GALNT13: variants seen among roughly 807,000 people sequenced by gnomAD.
GALNT13 encodes UDP-GalNAc:polypeptide N-acetylgalactosaminyltransferase 13.
In GALNT13, 28 loss-of-function variants were observed where a neutral mutation model predicts 64.2. That is an observed-to-expected ratio of 0.44 (90% confidence interval 0.32 to 0.60). The LOEUF is 0.60. GALNT13 is among the 20% of genes least tolerant of loss of function. The pLI, the probability that GALNT13 is intolerant of heterozygous loss-of-function variation, is 0.05. For synonymous variants in GALNT13, 214 were observed against 224.6 expected (o/e 0.95, Z 0.42); for missense variants, 577 against 669.8 (o/e 0.86, Z 1.53).
chr2:153,785,198 C>T, the GALNT13 span, among the ~76,000 whole-genome samples: 4 of 152,116 alleles, frequency 2.6e-5, no homozygotes, highest in African/African-American at 9.7e-5. Flanking sequence ...TGGAGTGGAC[C>T]CTCAGCACAG....
chr2:153,974,766 AT>A (rs1255003145), intron 3 of GALNT13, among the ~76,000 whole-genome samples: 1 of 152,018 alleles, frequency 6.6e-6, no homozygotes, highest in Non-Finnish European at 1.5e-5. Context: ...AAGAATTAAG[AT>A]TTTTAGAGAT....
At chr2:153,745,580 ATGAT>A in the GALNT13 span, among the ~76,000 whole-genome samples, 60 of 152,284 alleles carry the variant, frequency 3.9e-4, 2 homozygotes, top group South Asian at 7.9e-3. Flanking sequence ...AAATTCTCAA[ATGAT>A]TGATTGAGCC....
At chr2:153,217,088 T>C in the GALNT13 span, among the ~76,000 whole-genome samples, 21,351 of 152,000 alleles carry the variant, frequency 0.14, 1,622 homozygotes, top group Middle Eastern at 0.2. Flanking sequence ...TGAATTATCT[T>C]TGTACCTTGT....
intron 12 of GALNT13, chr2:154,446,733 T>A (rs1168849081): frequency 6.5e-7 from 1 of 1,541,308 alleles, no homozygotes; most frequent in Non-Finnish European, 8.8e-7. Flanking sequence ...TTTTGGGAAT[T>A]CTACTGATTA....
chr2:154,380,328 T>G (rs191046742), intron 9 of GALNT13, among the ~76,000 whole-genome samples: 1 of 152,176 alleles, frequency 6.6e-6, no homozygotes, highest in East Asian at 1.9e-4. Flanking sequence ...AAATTAATAA[T>G]CTAAGTCTCC....
At chr2:153,999,996 T>C (rs1695792527) in intron 3 of GALNT13, among the ~76,000 whole-genome samples, 1 of 152,034 alleles carries the variant, frequency 6.6e-6, no homozygotes, top group Non-Finnish European at 1.5e-5. Flanking sequence ...AATCTTGTTA[T>C]TTGTTATTAA....
intron 2 of GALNT13, among the ~76,000 whole-genome samples, chr2:153,907,848 G>A (rs1203619761): frequency 6.6e-6 from 1 of 152,038 alleles, no homozygotes; most frequent in East Asian, 1.9e-4. Context: ...TTGTCATTGT[G>A]AATAGTGCTG....
the GALNT13 span, among the ~76,000 whole-genome samples, chr2:153,636,350 T>C: frequency 6.6e-6 from 1 of 152,226 alleles, no homozygotes; most frequent in East Asian, 1.9e-4. Flanking sequence ...AGTGAATAGG[T>C]GCAGAATCAT....
At chr2:153,553,014 C>G in the GALNT13 span, among the ~76,000 whole-genome samples, 1 of 152,134 alleles carries the variant, frequency 6.6e-6, no homozygotes, top group Non-Finnish European at 1.5e-5. Context: ...AGACTGGTAT[C>G]AGTATGTGGC....
At chr2:154,358,796 C>A (rs1696897760) in intron 9 of GALNT13, among the ~76,000 whole-genome samples, 1 of 152,116 alleles carries the variant, frequency 6.6e-6, no homozygotes, top group Non-Finnish European at 1.5e-5. Flanking sequence ...CACGTACAGT[C>A]TCTAGCTCTT....
intron 10 of GALNT13, among the ~76,000 whole-genome samples, chr2:154,404,631 G>GA (rs201157334): frequency 1.3e-4 from 19 of 151,810 alleles, no homozygotes; most frequent in Non-Finnish European, 2.6e-4. Context: ...TTGCAGGTGA[G>GA]AAAAAAAACT....
intron 7 of GALNT13, among the ~76,000 whole-genome samples, chr2:154,249,329 G>A (rs1689947649): frequency 6.6e-6 from 1 of 152,152 alleles, no homozygotes; most frequent in Non-Finnish European, 1.5e-5. Flanking sequence ...TCACTGTCTG[G>A]CACTGGCCAC....
intron 8 of GALNT13, among the ~76,000 whole-genome samples, chr2:154,300,059 G>A (rs1426170268): frequency 1.3e-5 from 2 of 150,754 alleles, no homozygotes; most frequent in African/African-American, 4.9e-5. Flanking sequence ...GTTATCTGAA[G>A]GGTCAGGTGA....
At chr2:153,482,156 G>A in the GALNT13 span, among the ~76,000 whole-genome samples, 11 of 152,002 alleles carry the variant, frequency 7.2e-5, no homozygotes, top group African/African-American at 2.2e-4. Flanking sequence ...CAGAACCTAC[G>A]ACTTTGATTT....
chr2:153,315,971 C>T, the GALNT13 span, among the ~76,000 whole-genome samples: 1 of 151,416 alleles, frequency 6.6e-6, no homozygotes, highest in Non-Finnish European at 1.5e-5. Flanking sequence ...AAAAAGAATC[C>T]AATTTTTAAA....
At chr2:153,243,556 A>G in the GALNT13 span, among the ~76,000 whole-genome samples, 8 of 145,176 alleles carry the variant, frequency 5.5e-5, no homozygotes, top group Non-Finnish European at 8.8e-5. Context: ...CTGGAGAAAC[A>G]GTTTTAACAT....
At chr2:153,301,323 A>AAAAAAAAAAAAAAAAAAAAAAGAAG in the GALNT13 span, among the ~76,000 whole-genome samples, 3 of 149,852 alleles carry the variant, frequency 2.0e-5, no homozygotes, top group African/African-American at 7.4e-5. Flanking sequence ...AAAAAAGAAA[A>AAAAAAAAAAAAAAAAAAAAAAGAAG]AAAAAAAGAG....
chr2:153,755,352 T>G, the GALNT13 span, among the ~76,000 whole-genome samples: 1 of 152,184 alleles, frequency 6.6e-6, no homozygotes, highest in East Asian at 1.9e-4. Context: ...ATGGCTGTAC[T>G]AATTTGTATT....
At chr2:154,382,573 T>C (rs907642958) in intron 9 of GALNT13, among the ~76,000 whole-genome samples, 14 of 152,170 alleles carry the variant, frequency 9.2e-5, no homozygotes, top group Middle Eastern at 3.4e-3. Flanking sequence ...AAGTCATATG[T>C]CAAACTCATG....
Sources: gnomAD v4.1 joint callset for allele counts (sites outside exome capture counted in the v4.1 genomes callset) on GRCh38, gnomAD v4.1.1 for gene constraint, MANE v1.5 for transcripts, NCBI Gene and HGNC (gene_info 2026-07-23, HGNC 2026-07-21) for gene names.